RBM26: variants seen among roughly 807,000 people sequenced by gnomAD.
The protein encoded by RBM26 is RNA-binding protein 26.
A neutral mutation model predicts 123.6 loss-of-function variants in RBM26; 30 were observed. The ratio of observed to expected loss-of-function variants is 0.24; its 90% confidence interval spans 0.18 to 0.33. The LOEUF (loss-of-function observed/expected upper bound fraction) is 0.33. Among genes scored for constraint, RBM26 ranks in the 10% least tolerant of loss-of-function variants. The probability of loss-of-function intolerance (pLI) is 1.00; values close to 1 mark genes in which losing one functional copy is unlikely to be tolerated. For synonymous variants in RBM26, 400 were observed against 404.4 expected (o/e 0.99, Z 0.13); for missense variants, 947 against 1,203.6 (o/e 0.79, Z 3.15).
In RBM26 at chr13:79,333,444, T is replaced by C. The variant is rs185853062; in HGVS notation, c.2820+900A>G. Among the ~76,000 whole-genome samples, 4 of 152,374 alleles carry C rather than the reference T, an allele frequency of 2.6e-5. No individual in the cohort carries two copies. In the East Asian group the frequency reaches 7.7e-4, roughly 29 times the overall value. ...CTACCAGGTAAGCAATGTACCACTG[T>C]GCTGGCAGAGAACATTCACTACAAA... is the stretch of plus-strand genomic sequence containing the variant. On this transcript the variant is annotated intron_variant, in intron 20 of 21. Coordinates refer to ENST00000438737, the MANE Select transcript of RBM26 (RefSeq NM_001366735.2).
At chr13:79,316,599 T>C (rs1199437983), downstream of RBM26, among the ~76,000 whole-genome samples, 3 of 151,842 alleles carry the variant, frequency 2.0e-5, no homozygotes, top group Non-Finnish European at 4.4e-5. Context: ...ACAAAAGCTA[T>C]GGAATACTCT....
intron 5 of RBM26, 36 bp from the exon 6 acceptor site, chr13:79,369,026 T>G: frequency 7.5e-7 from 1 of 1,327,422 alleles, no homozygotes; most frequent in Middle Eastern, 2.0e-4. Context: ...AAAACTACAC[T>G]GTATTAAAAA....
intron 1 of RBM26, among the ~76,000 whole-genome samples, chr13:79,386,426 A>G (rs1175492082): frequency 6.6e-6 from 1 of 151,432 alleles, no homozygotes; most frequent in Non-Finnish European, 1.5e-5. Context: ...ATAAAAAAAA[A>G]AAAAGAAGTG....
intron 11 of RBM26, among the ~76,000 whole-genome samples, chr13:79,356,009 A>G (rs913760753): frequency 6.6e-6 from 1 of 152,204 alleles, no homozygotes; most frequent in Admixed American, 6.5e-5. Context: ...TCAATAATAG[A>G]GTTTTCCAAA....
rs1373527610 is a variant in RBM26 at position 79,378,129 on chromosome 13, AAACACT to A, written c.191-620_191-615del. Among the ~76,000 whole-genome samples, 7 of 152,334 alleles carry A rather than the reference AAACACT, an allele frequency of 4.6e-5. No homozygotes were observed. In the East Asian group the frequency reaches 1.4e-3, roughly 29 times the overall value. ...ATCGCCTACTCAGTGTTGCAAACAC[AAACACT>A]ATCATAATCTAGATGTGGCAAGGTA... On this transcript the variant is annotated intron_variant, in intron 2 of 21. Coordinates refer to ENST00000438737, the MANE Select transcript of RBM26 (RefSeq NM_001366735.2).
chr13:79,341,912 T>G (rs545732465), intron 17 of RBM26, among the ~76,000 whole-genome samples: 21 of 151,950 alleles, frequency 1.4e-4, no homozygotes, highest in Non-Finnish European at 2.8e-4. Context: ...AGTTCTGACT[T>G]TACACCTTTA....
At chr13:79,341,831 T>C (rs1455514208) in intron 17 of RBM26, among the ~76,000 whole-genome samples, 1 of 151,700 alleles carries the variant, frequency 6.6e-6, no homozygotes, top group African/African-American at 2.4e-5. Flanking sequence ...TGAATACAAA[T>C]GCAAATAGAT....
intron 19 of RBM26, among the ~76,000 whole-genome samples, chr13:79,336,094 A>G (rs1350888976): frequency 6.6e-6 from 1 of 152,194 alleles, no homozygotes; most frequent in African/African-American, 2.4e-5. Context: ...AACTGCTGCA[A>G]GCCTCCAATA....
At chr13:79,394,254 G>T (rs1032912614) in intron 1 of RBM26, among the ~76,000 whole-genome samples, 3 of 152,082 alleles carry the variant, frequency 2.0e-5, no homozygotes, top group Non-Finnish European at 4.4e-5. Context: ...GAGTTTTCTG[G>T]TGGCTTTTGA....
At chr13:79,365,784 G>A in intron 8 of RBM26, 66 bp from the exon 9 acceptor site, 1 of 1,368,142 alleles carries the variant, frequency 7.3e-7, no homozygotes, top group South Asian at 1.2e-5. Context: ...TTTTAATATT[G>A]ATAAGAGAAA....
At chr13:79,380,298 A>G (rs993109214) in intron 1 of RBM26, among the ~76,000 whole-genome samples, 2 of 152,128 alleles carry the variant, frequency 1.3e-5, no homozygotes, top group African/African-American at 4.8e-5. Flanking sequence ...TCAACCCCTA[A>G]AGAAATCTTC....
downstream of RBM26, chr13:79,314,336 C>A (rs1247210206): frequency 6.6e-6 from 1 of 151,618 alleles, no homozygotes; most frequent in Non-Finnish European, 1.5e-5. Context: ...ATCCACAGAT[C>A]ATCATTTGTC....
At chr13:79,377,323 TG>T (rs751544606) in intron 3 of RBM26, 55 bp downstream of exon 3, 1 of 1,477,950 alleles carries the variant, frequency 6.8e-7, no homozygotes, top group East Asian at 2.3e-5. Context: ...AAACTCAGTT[TG>T]GTTATTCCTC....
chr13:79,371,940 A>AG lies in RBM26; in HGVS notation c.328-11_328-10insC. The stretch of plus-strand genomic sequence containing the variant: ...CTTCCTCCTTAGTGATCTGATTAAA[A>AG]AAAAAAAAAAAAGTGTACAAGTTTA... On this transcript the variant is annotated splice_polypyrimidine_tract_variant and intron_variant, in intron 3 of 21. Coordinates refer to ENST00000438737, the MANE Select transcript of RBM26 (RefSeq NM_001366735.2). The AG allele has an allele frequency of 6.5e-7, 1 of 1,529,222 alleles. No homozygotes were observed. 94.7% of individuals were successfully genotyped at this position (1,529,222 alleles called of 1,614,324 possible). A position where few individuals can be genotyped will look rare whatever the true frequency, so the allele number is the denominator to read the frequency against.
intron 1 of RBM26, among the ~76,000 whole-genome samples, chr13:79,387,125 T>C (rs2140334670): frequency 6.6e-6 from 1 of 152,260 alleles, no homozygotes; most frequent in African/African-American, 2.4e-5. Context: ...ACTTTTCCGG[T>C]CATGAATCTT....
intron 1 of RBM26, among the ~76,000 whole-genome samples, chr13:79,384,772 G>T (rs950906724): frequency 6.6e-6 from 1 of 152,052 alleles, no homozygotes; most frequent in African/African-American, 2.4e-5. Flanking sequence ...TTCTTAACAA[G>T]AAACAAATCA....
intron 14 of RBM26, among the ~76,000 whole-genome samples, chr13:79,345,304 C>G (rs893143148): frequency 1.5e-4 from 23 of 151,992 alleles, no homozygotes; most frequent in African/African-American, 5.3e-4. Flanking sequence ...CTAAACTCAG[C>G]TTAGGTTCAG....
At position 79,353,779 on chromosome 13, in the gene RBM26, CCTAACT is replaced by C. The variant is rs1438141341; in HGVS notation, c.1987-561_1987-556del. The stretch of plus-strand genomic sequence containing the variant: ...CCACTAGCTAAGTAGGACACTACAT[CCTAACT>C]CTATTTTACACAGCAAATGCTGAAA... On this transcript the variant is annotated intron_variant, in intron 13 of 21. Coordinates refer to ENST00000438737, the MANE Select transcript of RBM26 (RefSeq NM_001366735.2). Among the ~76,000 whole-genome samples, 4 of 152,080 alleles carry C rather than the reference CCTAACT, an allele frequency of 2.6e-5. No homozygotes were observed. In the East Asian group the frequency reaches 5.8e-4, roughly 22 times the overall value.
intron 6 of RBM26, among the ~76,000 whole-genome samples, chr13:79,367,819 G>C (rs968942605): frequency 1.3e-4 from 20 of 151,600 alleles, no homozygotes; most frequent in African/African-American, 4.9e-4. Flanking sequence ...TTAAACTAAC[G>C]TATACATACT....
Sources: allele counts gnomAD v4.1 joint callset (sites outside exome capture counted in the v4.1 genomes callset), GRCh38; gene constraint gnomAD v4.1.1; transcripts MANE v1.5; gene names NCBI Gene and HGNC (gene_info 2026-07-23, HGNC 2026-07-21).